Variants in RSPH14 observed in about 807,000 individuals in gnomAD.
RSPH14 encodes rhabdoid tumor deletion region gene 1.
RSPH14 carries 20 observed loss-of-function variants against 26.7 expected under a neutral mutation model. The observed-to-expected ratio is 0.75, with a 90% CI of 0.53 to 1.09. The LOEUF is 1.09. RSPH14 is among the 50% of genes least tolerant of loss of function. The probability of loss-of-function intolerance (pLI) is 0.00; values close to 1 mark genes in which losing one functional copy is unlikely to be tolerated. For synonymous variants in RSPH14, 177 were observed against 189.3 expected (o/e 0.93, Z 0.53); for missense variants, 449 against 457.2 (o/e 0.98, Z 0.16).
chr22:23,174,699 T>C, the RSPH14 span, among the ~76,000 whole-genome samples: 17 of 149,004 alleles, frequency 1.1e-4, no homozygotes, highest in South Asian at 4.2e-4. Flanking sequence ...CTGAGTGTGG[T>C]GGCTCACGCC....
At chr22:23,156,207 A>G in the RSPH14 span, 2 of 583,170 alleles carry the variant, frequency 3.4e-6, no homozygotes, top group African/African-American at 3.9e-5. Context: ...ATCCCCAGGC[A>G]CTGGCTGACT....
the RSPH14 span, chr22:23,163,874 A>C: frequency 6.6e-6 from 1 of 152,188 alleles, no homozygotes; most frequent in Non-Finnish European, 1.5e-5. Context: ...CCCTGATGGC[A>C]CACAAGGAGC....
intron 3 of RSPH14, among the ~76,000 whole-genome samples, chr22:23,135,007 C>A (rs796198586): frequency 6.6e-6 from 1 of 152,100 alleles, no homozygotes; most frequent in South Asian, 2.1e-4. Context: ...CCAGTCCCTA[C>A]TAAAATGTTA....
the RSPH14 span, among the ~76,000 whole-genome samples, chr22:23,160,545 C>T: frequency 6.6e-6 from 1 of 152,222 alleles, no homozygotes; most frequent in Non-Finnish European, 1.5e-5. Context: ...TCCACATCTT[C>T]CAACACTTGG....
the RSPH14 span, chr22:23,162,885 A>G: frequency 5.8e-6 from 2 of 341,948 alleles, no homozygotes; most frequent in Non-Finnish European, 1.2e-5. Flanking sequence ...CCCCTTCAAC[A>G]TATTTTTTGT....
At chr22:23,061,323 G>A (rs994212693) in intron 6 of RSPH14, among the ~76,000 whole-genome samples, 2 of 152,190 alleles carry the variant, frequency 1.3e-5, no homozygotes, top group African/African-American at 2.4e-5. Flanking sequence ...ACTTAGAGGG[G>A]AAGCCTGACT....
At chr22:23,180,274 G>A in the RSPH14 span, 4 of 191,948 alleles carry the variant, frequency 2.1e-5, no homozygotes, top group Non-Finnish European at 3.2e-5. Context: ...CAGGGAGTCC[G>A]GTGTCTTTTT....
intron 4 of RSPH14, among the ~76,000 whole-genome samples, chr22:23,098,789 A>G (rs1255399507): frequency 6.6e-6 from 1 of 152,240 alleles, no homozygotes; most frequent in African/African-American, 2.4e-5. Flanking sequence ...TTCCTCCCGC[A>G]GGCTGGGCTG....
chr22:23,083,649 G>A (rs1276566306), intron 4 of RSPH14, among the ~76,000 whole-genome samples: 2 of 152,286 alleles, frequency 1.3e-5, no homozygotes, highest in East Asian at 1.9e-4. Flanking sequence ...CATTGGAGGC[G>A]AAGGTGGGAG....
intron 4 of RSPH14, among the ~76,000 whole-genome samples, chr22:23,113,007 CAGA>C (rs1300985711): frequency 6.6e-6 from 1 of 152,150 alleles, no homozygotes. Context: ...CCCATTTTAC[CAGA>C]AGAAGGGGAC....
At chr22:23,158,971 G>T in the RSPH14 span, 3 of 1,614,048 alleles carry the variant, frequency 1.9e-6, no homozygotes, top group East Asian at 4.5e-5. Context: ...AACCAAGAAG[G>T]ACCTTCTGGT....
intron 4 of RSPH14, among the ~76,000 whole-genome samples, chr22:23,106,718 G>GGCATGCTGGTGCACT (rs1299060998): frequency 6.6e-6 from 1 of 152,242 alleles, no homozygotes; most frequent in Non-Finnish European, 1.5e-5. Flanking sequence ...CCTGGCGCAG[G>GGCATGCTGGTGCACT]GCATGCTGGT....
the RSPH14 span, among the ~76,000 whole-genome samples, chr22:23,172,341 G>A: frequency 3.3e-5 from 5 of 150,740 alleles, no homozygotes; most frequent in African/African-American, 7.3e-5. Context: ...GCTTGAATCC[G>A]GGAGGTGGAG....
chr22:23,080,978 C>T (rs1460509799), intron 4 of RSPH14, among the ~76,000 whole-genome samples: 3 of 152,208 alleles, frequency 2.0e-5, no homozygotes, highest in East Asian at 3.8e-4. Flanking sequence ...ACATGTATCC[C>T]TTTGAGTCCG....
chr22:23,150,948 C>T, the RSPH14 span, among the ~76,000 whole-genome samples: 3 of 152,232 alleles, frequency 2.0e-5, no homozygotes, highest in African/African-American at 7.2e-5. Context: ...TGTGTCTGTC[C>T]TCTTCCTGCC....
chr22:23,105,549 G>A (rs2069443393), intron 4 of RSPH14, among the ~76,000 whole-genome samples: 1 of 152,228 alleles, frequency 6.6e-6, no homozygotes. Flanking sequence ...CACCCACCTT[G>A]CTGAACAAAG....
At chr22:23,152,894 C>T in the RSPH14 span, 5 of 675,080 alleles carry the variant, frequency 7.4e-6, no homozygotes, top group East Asian at 5.0e-5. Context: ...GCTGCCCTGC[C>T]CACCCATGGC....
rs1008878257 is a variant in RSPH14 at position 23,100,076 on chromosome 22, C to G, written c.421+33950G>C. ...GACGGAGCTGTCAGCATTCCCAGCC[C>G]TGTGGCGGGTCTGTTTTGCACCTGT... On this transcript the variant is annotated intron_variant, in intron 4 of 6. Transcript: ENST00000216036. Among the ~76,000 whole-genome samples, 5 of 152,378 alleles carry G rather than the reference C, an allele frequency of 3.3e-5. No homozygotes were observed. The South Asian group carries it at 1.0e-3, about 32-fold the overall frequency.
chr22:23,095,440 G>C, intron 4 of RSPH14: 1 of 513,224 alleles, frequency 1.9e-6, no homozygotes. Context: ...CGGCAAATCA[G>C]GCCACTTTGC....
Sources: gnomAD v4.1 joint callset for allele counts (sites outside exome capture counted in the v4.1 genomes callset) on GRCh38, gnomAD v4.1.1 for gene constraint, MANE v1.5 for transcripts, NCBI Gene and HGNC (gene_info 2026-07-23, HGNC 2026-07-21) for gene names.